Variants in PNPLA6 observed in about 807,000 individuals in gnomAD.
PNPLA6 encodes patatin-like phospholipase domain-containing protein 6.
In PNPLA6, 105 loss-of-function variants were observed where a neutral mutation model predicts 153.7. The observed-to-expected ratio is 0.68, with a 90% CI of 0.58 to 0.80. PNPLA6 has a LOEUF of 0.80. PNPLA6 is among the 30% of genes least tolerant of loss of function. PNPLA6 has a pLI of 0.00. For synonymous variants in PNPLA6, 825 were observed against 822.2 expected, an observed-to-expected ratio of 1.00 and a Z score of -0.06; for missense variants, 1,423 against 1,919.3, an observed-to-expected ratio of 0.74 and a Z score of 4.83.
At position 7,540,226 on chromosome 19, in the gene PNPLA6, A is replaced by G; in HGVS notation, c.632A>G (p.Asp211Gly). ...HMVFQRLGQG[D>G]YVFRPGQPDA... ...GTCTTCCAGCGGCTGGGCCAGGGTG[A>G]CTACGTCTTCCGGCCGGGCCAGCCA... is the stretch of plus-strand genomic sequence containing the variant. The change falls in exon 5 of 32, where the codon GAC becomes GGC. Residue 211 changes from aspartate (D) to glycine (G), a missense_variant. Physicochemically the swap from Asp to Gly is moderately conservative, Grantham distance 94 (BLOSUM62 -1). This residue lies in a region of PNPLA6 where 118 missense variants were observed against 158.8 expected (regional missense o/e 0.74). Coordinates refer to ENST00000600737, the MANE Select transcript of PNPLA6 (RefSeq NM_001166114.2). This position sits in a 1 kb window ranked among gnomAD's most constrained non-coding sequence, Gnocchi z 6.8. The G allele has an allele frequency of 6.2e-7, 1 of 1,609,846 alleles. No homozygotes were observed. Among genetic ancestry groups the G allele is most frequent in the Non-Finnish European group, 8.5e-7 (1 of 1,179,994 alleles).
At chr19:7,536,744 A>T (rs2022889036) in intron 3 of PNPLA6, among the ~76,000 whole-genome samples, 198 bp downstream of exon 3, 1 of 152,128 alleles carries the variant, frequency 6.6e-6, no homozygotes, top group South Asian at 2.1e-4. Flanking sequence ...CCTGGCCAAC[A>T]TGGCAAACCT....
chr19:7,547,180 C>T lies in PNPLA6; in HGVS notation c.1609-2727C>T, dbSNP rs150480172. Among the ~76,000 whole-genome samples the T allele has an allele frequency of 6.7e-3, 1,021 of 152,318 alleles. 2 individuals are homozygous for T. The highest frequency in any genetic ancestry group is 0.011 in the Admixed American group (174 of 15,294). ...TCAGCTTCCCAAAGTGCTGGGATTA[C>T]AGATGTGAGCCACCATGGCCAGCCT... On this transcript the variant is annotated intron_variant, in intron 13 of 31. Transcript: ENST00000600737.
intron 31 of PNPLA6, 48 bp from the exon 32 acceptor site, chr19:7,561,440 G>T (rs377316971): frequency 6.7e-7 from 1 of 1,498,582 alleles, no homozygotes; most frequent in Non-Finnish European, 9.2e-7. Context: ...GACATGTGAC[G>T]CATCAGTGTC....
rs369842393 is a variant in PNPLA6 at position 7,555,780 on chromosome 19, G to A, written c.3093+17G>A. On this transcript the variant is annotated intron_variant, in intron 24 of 31. Coordinates refer to ENST00000600737, the MANE Select transcript of PNPLA6 (RefSeq NM_001166114.2). The surrounding 1 kb of genome is among the most constrained non-coding windows in gnomAD (Gnocchi z 6.3). The stretch of plus-strand genomic sequence containing the variant: ...TGGGCCAAGGTGTGTGTTGCGAGGA[G>A]GGATTGCTGCACCCCAGGAGTGCCA... 27 of 1,611,748 alleles carry A rather than the reference G, an allele frequency of 1.7e-5. No homozygotes were observed. In the African/African-American group the frequency reaches 3.5e-4, roughly 21 times the overall value.
At chr19:7,551,321 T>G in intron 17 of PNPLA6, 41 bp from the exon 18 acceptor site, 6 of 1,595,642 alleles carry the variant, frequency 3.8e-6, no homozygotes, top group Non-Finnish European at 5.2e-6. Context: ...GGACAGCCGC[T>G]TCCCAGGTCT....
chr19:7,554,403 T>A lies in PNPLA6; in HGVS notation c.2465+131T>A. ...CTTACCCATAGGTCAATGGGGAGAT[T>A]CGCAGTGGTGTGAATCTGCCCACCG... On this transcript the variant is annotated intron_variant, in intron 20 of 31. Transcript: ENST00000600737. 2 of 1,227,112 alleles carry A rather than the reference T, an allele frequency of 1.6e-6. 1 individual carries two copies. The highest frequency in any genetic ancestry group is 2.4e-5 in the South Asian group (2 of 82,408). 76.0% of individuals were successfully genotyped at this position (1,227,112 alleles called of 1,614,324 possible).
chr19:7,535,583 G>A, upstream of PNPLA6: 1 of 1,604,324 alleles, frequency 6.2e-7, no homozygotes. This position sits in a 1 kb window ranked among gnomAD's most constrained non-coding sequence, Gnocchi z 5.0. Context: ...GAATGGTAAG[G>A]GGTGGGGCGG....
chr19:7,547,232 G>A (rs1599287200), intron 13 of PNPLA6, among the ~76,000 whole-genome samples: 1 of 152,078 alleles, frequency 6.6e-6, no homozygotes. Flanking sequence ...TAAGCACTGT[G>A]TGTTTGTTTG....
At chr19:7,539,890 A>AC in intron 3 of PNPLA6, 28 bp from the exon 4 acceptor site, 4 of 1,390,964 alleles carry the variant, frequency 2.9e-6, no homozygotes, top group Non-Finnish European at 3.9e-6. Flanking sequence ...TGCCCCCCTC[A>AC]CCCCCGGCAC....
Position 7,540,358 on chromosome 19 carries a change from G to A in PNPLA6, c.714+50G>A. The A allele has an allele frequency of 6.4e-7, 1 of 1,563,562 alleles. No homozygotes were observed. The highest frequency in any genetic ancestry group is 8.7e-7 in the Non-Finnish European group (1 of 1,155,236). ...CTGCAGGAGGATGGGTGGTGGGGATGGGCAGCAGGCATTGGTCTGTAGAGC... is the reference window on the plus strand; with the variant it reads ...CTGCAGGAGGATGGGTGGTGGGGATAGGCAGCAGGCATTGGTCTGTAGAGC... On this transcript the variant is annotated intron_variant, in intron 5 of 31. Transcript: ENST00000600737. This position sits in a 1 kb window ranked among gnomAD's most constrained non-coding sequence, Gnocchi z 6.8.
At position 7,547,811 on chromosome 19, in the gene PNPLA6, ATTTTTTTTTTTTTTT is replaced by A. The variant is rs71286227; in HGVS notation, c.1609-2078_1609-2064del. ...TGCTACCATGCCTGGCTAATTAAAA[ATTTTTTTTTTTTTTT>A]TTTTTTTTTTTTTTTTTGTAGAGAC... is the stretch of plus-strand genomic sequence containing the variant. On this transcript the variant is annotated intron_variant, in intron 13 of 31. Coordinates refer to ENST00000600737, the MANE Select transcript of PNPLA6 (RefSeq NM_001166114.2). 5.2e-5 allele frequency among the ~76,000 whole-genome samples: 6 copies of A among 114,502 alleles called. 1 individual carries two copies. Among genetic ancestry groups the A allele is most frequent in the East Asian group, 2.9e-4 (1 of 3,478 alleles). 75.1% of individuals were successfully genotyped at this position (114,502 alleles called of 152,430 possible).
At position 7,554,636 on chromosome 19, in the gene PNPLA6, G is replaced by C. The variant is rs522776; in HGVS notation, c.2547G>C (p.Ser849=). 1.9e-6 allele frequency: 3 copies of C among 1,614,010 alleles called. No individual in the cohort carries two copies. The Admixed American group carries it at 5.0e-5, about 27-fold the overall frequency. The change falls in exon 21 of 32, where the codon TCG becomes TCC. Residue 849 remains serine (S), a synonymous_variant. Transcript: ENST00000600737. ...TCGTACTCTACCAGACGGACGCCTC[G>C]CTGACGCCCTGGACCGTGCGCTGCC... is the stretch of plus-strand genomic sequence containing the variant. The part of the protein sequence containing the change: ...HRIVLYQTDA[S]LTPWTVRCLR...
chr19:7,552,570 A>G (rs1165402775), intron 18 of PNPLA6, among the ~76,000 whole-genome samples: 1 of 152,108 alleles, frequency 6.6e-6, no homozygotes, highest in African/African-American at 2.4e-5. Flanking sequence ...AGCCTGGCCA[A>G]CGTGGTGAAA....
rs559006258 is a variant in PNPLA6, at chr19:7,540,432, G to A, written c.714+124G>A. Reference sequence around the variant, plus strand: ...TCGGGAGTCAGGGGAACGGGTGACCGAGGACATTTGGGGTAGTCTGCGTAG... The same window carrying A: ...TCGGGAGTCAGGGGAACGGGTGACCAAGGACATTTGGGGTAGTCTGCGTAG... On this transcript the variant is annotated intron_variant, in intron 5 of 31. Coordinates refer to ENST00000600737, the MANE Select transcript of PNPLA6 (RefSeq NM_001166114.2). This position sits in a 1 kb window ranked among gnomAD's most constrained non-coding sequence, Gnocchi z 6.8. 3.2e-5 allele frequency: 38 copies of A among 1,178,738 alleles called. 1 individual carries two copies. The South Asian group carries it at 3.7e-4, about 11-fold the overall frequency. 73.0% of individuals were successfully genotyped at this position (1,178,738 alleles called of 1,614,324 possible).
intron 28 of PNPLA6, among the ~76,000 whole-genome samples, chr19:7,559,653 A>G (rs1214087488): frequency 6.6e-6 from 1 of 151,884 alleles, no homozygotes; most frequent in Admixed American, 6.6e-5. Flanking sequence ...AGCCTGTGCA[A>G]CATAGCAAAA....
At position 7,555,440 on chromosome 19, in the gene PNPLA6, G is replaced by A. The variant is rs1020668712; in HGVS notation, c.2936+73G>A. ...GTGGAGCTTCCTGGGAGAAACCGTG[G>A]GGGCGGGGCCTGGGTGTTCGAGGGT... On this transcript the variant is annotated intron_variant, in intron 23 of 31. Coordinates refer to ENST00000600737, the MANE Select transcript of PNPLA6 (RefSeq NM_001166114.2). This position sits in a 1 kb window ranked among gnomAD's most constrained non-coding sequence, Gnocchi z 6.3. The A allele has an allele frequency of 3.0e-5, 41 of 1,356,174 alleles. No homozygotes were observed. In the East Asian group the frequency reaches 7.0e-4, roughly 23 times the overall value. 84.0% of individuals were successfully genotyped at this position (1,356,174 alleles called of 1,614,324 possible). A position where few individuals can be genotyped will look rare whatever the true frequency, so the allele number is the denominator to read the frequency against.
rs779042295 is a variant in PNPLA6 at position 7,555,281 on chromosome 19, C to A, written c.2850C>A (p.Arg950=). 71 of 1,595,562 alleles carry A rather than the reference C, an allele frequency of 4.4e-5. No homozygotes were observed. Among genetic ancestry groups the A allele is most frequent in the Non-Finnish European group, 5.9e-5 (69 of 1,171,172 alleles). The change falls in exon 23 of 32, where the codon CGC becomes CGA. Residue 950 remains arginine, a synonymous_variant. Transcript: ENST00000600737. The surrounding 1 kb of genome is among the most constrained non-coding windows in gnomAD (Gnocchi z 6.3). Reference sequence around the variant, plus strand: ...TCTACGAGAAGGTTTTCTCCAGGCGCGCGGACCGGCACAGCGACTTCTCCC... The same window carrying A: ...TCTACGAGAAGGTTTTCTCCAGGCGAGCGGACCGGCACAGCGACTTCTCCC... The part of the protein sequence containing the change: ...HELYEKVFSR[R]ADRHSDFSRL...
In PNPLA6 at chr19:7,539,970, C is replaced by G; in HGVS notation, c.466C>G (p.Pro156Ala). 6.3e-7 allele frequency: 1 copy of G among 1,577,510 alleles called. No homozygotes were observed. The highest frequency in any genetic ancestry group is 8.6e-7 in the Non-Finnish European group (1 of 1,161,868). Residue 156 changes from proline (P) to alanine (A), a missense_variant, in exon 4 of 32, where the codon CCC becomes GCC. Coordinates refer to ENST00000600737, the MANE Select transcript of PNPLA6 (RefSeq NM_001166114.2). ...TPTLQRKEPPPAVLEADLTEG... is the reference protein window; with the variant it reads ...TPTLQRKEPPAAVLEADLTEG... ...CACGCTGCAGCGGAAGGAGCCCCCG[C>G]CCGCAGTGCTAGAAGCTGACCTGAC...
In PNPLA6 at chr19:7,556,704, C is replaced by T. The variant is rs1207724350; in HGVS notation, c.3260C>T (p.Ala1087Val). 6.2e-7 allele frequency: 1 copy of T among 1,613,380 alleles called. No individual in the cohort carries two copies. Among genetic ancestry groups the T allele is most frequent in the Non-Finnish European group, 8.5e-7 (1 of 1,179,446 alleles). Residue 1087 changes from alanine to valine, a missense_variant, in exon 26 of 32, where the codon GCC becomes GTC. Ala to Val is a moderately conservative substitution (Grantham distance 64). This residue lies in a region of PNPLA6 where 643 missense variants were observed against 835.2 expected (regional missense o/e 0.77). Coordinates refer to ENST00000600737, the MANE Select transcript of PNPLA6 (RefSeq NM_001166114.2). ...FNVTTDITAS[A>V]MRVHKDGSLW... ...GTGACCACAGATATCACCGCCTCAG[C>T]CATGCGAGTCCACAAAGATGGTGGG...
Sources: gnomAD v4.1 joint callset for allele counts (sites outside exome capture counted in the v4.1 genomes callset) on GRCh38, gnomAD v4.1.1 for gene constraint, gnomAD v4.1.1 regional missense constraint, Gnocchi (gnomAD v3.1) non-coding constraint, MANE v1.5 for transcripts, NCBI Gene and HGNC (gene_info 2026-07-23, HGNC 2026-07-21) for gene names.